The following SFMBT1 variants were observed in gnomAD, a reference collection of about 807,000 sequenced individuals.
SFMBT1 encodes the protein Scm like with four mbt domains 1.
In SFMBT1, 32 loss-of-function variants were observed where a neutral mutation model predicts 108.7. The observed-to-expected ratio is 0.29, with a 90% confidence interval of 0.22 to 0.40. The LOEUF (loss-of-function observed/expected upper bound fraction) is 0.40. SFMBT1 is among the 10% of genes least tolerant of loss of function. The pLI, the probability that SFMBT1 is intolerant of heterozygous loss-of-function variation, is 1.00. For missense variants in SFMBT1, 816 were observed against 1,059.6 expected, an observed-to-expected ratio of 0.77 and a Z score of 3.19; for synonymous variants, 348 against 369.5, an observed-to-expected ratio of 0.94 and a Z score of 0.67.
chr3:52,927,710 A>G (rs1702700847), intron 9 of SFMBT1, among the ~76,000 whole-genome samples: 1 of 152,166 alleles, frequency 6.6e-6, no homozygotes, highest in South Asian at 2.1e-4. Flanking sequence ...CCTGAGTTCT[A>G]CTCTTCACCA....
At chr3:52,985,165 A>G (rs1320385793) in intron 1 of SFMBT1, among the ~76,000 whole-genome samples, 2 of 152,184 alleles carry the variant, frequency 1.3e-5, no homozygotes, top group African/African-American at 4.8e-5. Context: ...ATCAGGAGCT[A>G]TTTGATTCAC....
chr3:52,926,590 A>G (rs568280439), intron 9 of SFMBT1, among the ~76,000 whole-genome samples: 3 of 152,348 alleles, frequency 2.0e-5, no homozygotes, highest in African/African-American at 7.2e-5. Context: ...TGTGTCTCAG[A>G]TATCACTGAT....
At chr3:52,942,894 T>C (rs544877394) in intron 4 of SFMBT1, among the ~76,000 whole-genome samples, 3 of 152,368 alleles carry the variant, frequency 2.0e-5, no homozygotes, top group East Asian at 1.9e-4. Flanking sequence ...TTTGCCTTTA[T>C]TGTCTCTCTT....
intron 1 of SFMBT1, 28 bp from the exon 2 acceptor site, chr3:52,969,286 C>T (rs1704261831): frequency 6.8e-7 from 1 of 1,481,260 alleles, no homozygotes; most frequent in Admixed American, 2.4e-5. Flanking sequence ...ACACATTAAA[C>T]AGCCTGAAGC....
intron 19 of SFMBT1, among the ~76,000 whole-genome samples, chr3:52,906,711 A>AAAGTT (rs1307978566): frequency 2.8e-4 from 43 of 152,328 alleles, no homozygotes; most frequent in African/African-American, 9.9e-4. Flanking sequence ...GCTTAACCAG[A>AAAGTT]ATCAAAAGGA....
chr3:53,000,242 A>C (rs1575429699), intron 1 of SFMBT1, among the ~76,000 whole-genome samples: 1 of 140,230 alleles, frequency 7.1e-6, no homozygotes, highest in African/African-American at 2.5e-5. Flanking sequence ...TCCCTTTGTA[A>C]TGTTTTTTCT....
At chr3:52,967,076 G>T (rs1704175402) in intron 2 of SFMBT1, among the ~76,000 whole-genome samples, 1 of 151,720 alleles carries the variant, frequency 6.6e-6, no homozygotes, top group Non-Finnish European at 1.5e-5. Context: ...CCACAGGAAA[G>T]CAGAGGGAAA....
chr3:52,998,000 C>G (rs72965340), intron 1 of SFMBT1, among the ~76,000 whole-genome samples: 1 of 150,288 alleles, frequency 6.7e-6, no homozygotes, highest in Non-Finnish European at 1.5e-5. Context: ...TTCTAATCAC[C>G]TTAGATGTAT....
chr3:52,987,410 T>C (rs897261789), intron 1 of SFMBT1, among the ~76,000 whole-genome samples: 11 of 152,182 alleles, frequency 7.2e-5, no homozygotes, highest in Admixed American at 1.3e-4. Flanking sequence ...ACTATGACTT[T>C]AGGATGGCTA....
At chr3:52,938,190 T>C (rs1703076219) in intron 4 of SFMBT1, among the ~76,000 whole-genome samples, 1 of 152,194 alleles carries the variant, frequency 6.6e-6, no homozygotes, top group South Asian at 2.1e-4. Flanking sequence ...CTTAGGTATG[T>C]CTCCTATACA....
intron 1 of SFMBT1, among the ~76,000 whole-genome samples, chr3:52,998,551 G>A (rs921660372): frequency 9.3e-5 from 14 of 150,336 alleles, no homozygotes; most frequent in African/African-American, 3.1e-4. Flanking sequence ...CATAGCTCTC[G>A]CCCTCGCAGG....
At chr3:52,950,129 C>CT (rs1703521747) in intron 3 of SFMBT1, among the ~76,000 whole-genome samples, 1 of 152,086 alleles carries the variant, frequency 6.6e-6, no homozygotes, top group African/African-American at 2.4e-5. Flanking sequence ...TAATATCTAC[C>CT]ATATATGTTA....
At chr3:52,987,401 C>T (rs987546748) in intron 1 of SFMBT1, among the ~76,000 whole-genome samples, 15 of 152,182 alleles carry the variant, frequency 9.9e-5, no homozygotes, top group African/African-American at 3.6e-4. Context: ...AGGTATCTCA[C>T]TATGACTTTA....
At chr3:52,964,260 C>T (rs1704058180) in intron 2 of SFMBT1, among the ~76,000 whole-genome samples, 1 of 152,200 alleles carries the variant, frequency 6.6e-6, no homozygotes, top group Non-Finnish European at 1.5e-5. Flanking sequence ...CTGTAAATCC[C>T]AGCAATTTGG....
chr3:53,016,348 A>G lies in SFMBT1; in HGVS notation c.-131+29468T>C, dbSNP rs137863343. 1.6e-3 allele frequency among the ~76,000 whole-genome samples: 249 copies of G among 152,288 alleles called. 5 individuals are homozygous for G. In the East Asian group the frequency reaches 0.036, roughly 22 times the overall value. On this transcript the variant is annotated intron_variant, in intron 1 of 20. Transcript: ENST00000394752. Reference sequence around the variant, plus strand: ...ATTGCCTCAAGCCAAAGACATGTCAATCTAGCTGAGGTCAGGGTGAACATA... The same window carrying G: ...ATTGCCTCAAGCCAAAGACATGTCAGTCTAGCTGAGGTCAGGGTGAACATA...
intron 15 of SFMBT1, 114 bp from the exon 16 acceptor site, chr3:52,912,761 C>G (rs1575367263): frequency 1.3e-6 from 1 of 755,330 alleles, no homozygotes; most frequent in Non-Finnish European, 2.2e-6. Context: ...AAATTCTAGT[C>G]ATATGAATTA....
chr3:52,915,101 T>C (rs1702311925), intron 14 of SFMBT1, among the ~76,000 whole-genome samples: 1 of 152,220 alleles, frequency 6.6e-6, no homozygotes, highest in Non-Finnish European at 1.5e-5. Flanking sequence ...AAGAAACTTC[T>C]GTTGCAACTG....
At chr3:52,972,770 C>T (rs905421113) in intron 1 of SFMBT1, among the ~76,000 whole-genome samples, 1 of 149,410 alleles carries the variant, frequency 6.7e-6, no homozygotes, top group African/African-American at 2.5e-5. Flanking sequence ...CACACACACA[C>T]ACACACACAC....
At chr3:53,008,086 G>A (rs913972190) in intron 1 of SFMBT1, among the ~76,000 whole-genome samples, 32 of 150,964 alleles carry the variant, frequency 2.1e-4, no homozygotes, top group Admixed American at 1.6e-3. Flanking sequence ...AAAAAAAGGC[G>A]GTGGGGAAAG....
Sources: gnomAD v4.1 joint callset for allele counts (sites outside exome capture counted in the v4.1 genomes callset) on GRCh38, gnomAD v4.1.1 for gene constraint, MANE v1.5 for transcripts, NCBI Gene and HGNC (gene_info 2026-07-23, HGNC 2026-07-21) for gene names.